Variants in ZC3H7B observed in about 807,000 individuals in gnomAD.
ZC3H7B encodes zinc finger CCCH-type containing 7B, also known as zinc finger CCCH domain-containing protein 7B.
In ZC3H7B, 35 loss-of-function variants were observed where a neutral mutation model predicts 116.0. The observed-to-expected ratio is 0.30, with a 90% CI of 0.23 to 0.40. ZC3H7B has a LOEUF of 0.40. ZC3H7B is among the 10% of genes least tolerant of loss of function. The pLI is 1.00. For synonymous variants in ZC3H7B, 502 were observed against 545.6 expected (o/e 0.92, Z 1.11); for missense variants, 1,011 against 1,321.5 (o/e 0.77, Z 3.64).
chr22:41,305,629 G>A (rs1029804847), intron 1 of ZC3H7B, among the ~76,000 whole-genome samples: 3 of 152,130 alleles, frequency 2.0e-5, no homozygotes, highest in Non-Finnish European at 4.4e-5. Flanking sequence ...CCAGGGCCCC[G>A]AGGGGCTGGA....
chr22:41,324,638 A>G (rs371543115), intron 2 of ZC3H7B, among the ~76,000 whole-genome samples: 2 of 152,142 alleles, frequency 1.3e-5, no homozygotes, highest in East Asian at 3.9e-4. Context: ...TAGCCACAGG[A>G]GGGAGCAGGT....
intron 1 of ZC3H7B, among the ~76,000 whole-genome samples, chr22:41,309,941 C>T (rs1265059343): frequency 1.3e-5 from 2 of 152,054 alleles, no homozygotes; most frequent in Non-Finnish European, 2.9e-5. Flanking sequence ...CACGGTGGCT[C>T]ATGCCTATAA....
chr22:41,358,317 C>G lies in ZC3H7B; in HGVS notation c.*888C>G, dbSNP rs565784975. 14 of 151,902 alleles carry G rather than the reference C, an allele frequency of 9.2e-5. No homozygotes were observed. The highest frequency in any genetic ancestry group is 4.6e-4 in the Admixed American group (7 of 15,276). 9.4% of individuals were successfully genotyped at this position (151,902 alleles called of 1,614,324 possible). A position where few individuals can be genotyped will look rare whatever the true frequency, so the allele number is the denominator to read the frequency against. ...GCAGCTGGGGTCCCAGGCAGCGCTG[C>G]CTGGGGGCTGGGGAGGGGAGGCCCA... On this transcript the variant is annotated 3_prime_UTR_variant, in exon 23 of 23. Transcript: ENST00000352645.
rs1257310067 is a variant in ZC3H7B at position 41,351,439 on chromosome 22, C to T, written c.1949-122C>T. On this transcript the variant is annotated intron_variant, in intron 16 of 22. Transcript: ENST00000352645. This position sits in a 1 kb window ranked among gnomAD's most constrained non-coding sequence, Gnocchi z 5.1. ...CCTTGTACCCCATGTCTTACTGTGG[C>T]TGGGCTGAGAATAGGGCTCCTCCAG... The T allele has an allele frequency of 7.7e-6, 6 of 780,216 alleles. No individual in the cohort carries two copies. Among genetic ancestry groups the T allele is most frequent in the Non-Finnish European group, 1.2e-5 (6 of 487,618 alleles). 48.3% of individuals were successfully genotyped at this position (780,216 alleles called of 1,614,324 possible).
Position 41,346,234 on chromosome 22 carries a change from C to A in ZC3H7B, c.1665+26C>A. 6.2e-7 allele frequency: 1 copy of A among 1,603,160 alleles called. No homozygotes were observed. Among genetic ancestry groups the A allele is most frequent in the African/African-American group, 1.3e-5 (1 of 74,962 alleles). On this transcript the variant is annotated intron_variant, in intron 14 of 22. Coordinates refer to ENST00000352645, the MANE Select transcript of ZC3H7B (RefSeq NM_017590.6). This position sits in a 1 kb window ranked among gnomAD's most constrained non-coding sequence, Gnocchi z 5.3. ...GTACTGCCCACCCACCCACTGCCAC[C>A]CCATAGGCCATGGCACAGACAGGGC...
Position 41,348,067 on chromosome 22 carries a change from A to T in ZC3H7B, c.1666A>T (p.Ile556Phe). 1.2e-6 allele frequency: 2 copies of T among 1,613,846 alleles called. No individual in the cohort carries two copies. The highest frequency in any genetic ancestry group is 1.7e-6 in the Non-Finnish European group (2 of 1,179,842). Residue 556 changes from isoleucine (I) to phenylalanine (F), a missense_variant and splice_region_variant, in exon 15 of 23, where the codon ATC (isoleucine) becomes TTC (phenylalanine). Around this residue, in one of 5 missense-constraint regions of ZC3H7B, gnomAD observed 406 missense variants for 590.2 expected, o/e 0.69. Coordinates refer to ENST00000352645, the MANE Select transcript of ZC3H7B (RefSeq NM_017590.6). ...HQGIFTFLCE[I>F]CFDSKPRIIS... is the part of the protein sequence containing the mutation. ...CCCAGCCCTTCCCCTCCCTGGGCAG[A>T]TCTGCTTTGACAGTAAACCCCGGAT... is the stretch of plus-strand genomic sequence containing the variant.
At chr22:41,332,382 C>T in intron 7 of ZC3H7B, 155 bp downstream of exon 7, 1 of 875,166 alleles carries the variant, frequency 1.1e-6, no homozygotes, top group Non-Finnish European at 1.8e-6. Flanking sequence ...GATGTGGGGA[C>T]AGGCCATGGC....
In ZC3H7B at chr22:41,349,073, A is replaced by C. The variant is rs775736155; in HGVS notation, c.1767-47A>C. On this transcript the variant is annotated intron_variant, in intron 15 of 22. Transcript: ENST00000352645. This position sits in a 1 kb window ranked among gnomAD's most constrained non-coding sequence, Gnocchi z 4.9. ...TGGCCCTACCAGGAGAGAAGGTCAG[A>C]GGGGCTGCGGACTGCATCGTGCCCC... 4 of 1,596,674 alleles carry C rather than the reference A, an allele frequency of 2.5e-6. No homozygotes were observed. Among genetic ancestry groups the C allele is most frequent in the Non-Finnish European group, 3.4e-6 (4 of 1,170,400 alleles).
intron 1 of ZC3H7B, among the ~76,000 whole-genome samples, chr22:41,320,045 A>T (rs1378192214): frequency 6.7e-6 from 1 of 149,090 alleles, no homozygotes; most frequent in African/African-American, 2.5e-5. Context: ...AAAAAAAAAA[A>T]TGGGGGGCCG....
chr22:41,345,342 T>C (rs144849293), intron 13 of ZC3H7B, among the ~76,000 whole-genome samples: 1,831 of 152,224 alleles, frequency 0.012, 37 homozygotes, highest in African/African-American at 0.042. Context: ...TCCCAGCACT[T>C]TGGGAGGCCG....
rs59984027 is a variant in ZC3H7B, at chr22:41,349,574, G to A, written c.1948+273G>A. Reference sequence around the variant, plus strand: ...GCACCGTCCAGGGAGCACGGAGAGGGGAGAGGAGCACCTGGGCTCCTGCAG... The same window carrying A: ...GCACCGTCCAGGGAGCACGGAGAGGAGAGAGGAGCACCTGGGCTCCTGCAG... On this transcript the variant is annotated intron_variant, in intron 16 of 22. Transcript: ENST00000352645. This position sits in a 1 kb window ranked among gnomAD's most constrained non-coding sequence, Gnocchi z 4.9. Among the ~76,000 whole-genome samples, 4,179 of 152,244 alleles carry A rather than the reference G, an allele frequency of 0.027. 165 individuals are homozygous for A. The highest frequency in any genetic ancestry group is 0.096 in the African/African-American group (3,970 of 41,506).
intron 6 of ZC3H7B, 79 bp downstream of exon 6, chr22:41,330,182 G>T: frequency 1.4e-6 from 2 of 1,460,430 alleles, no homozygotes; most frequent in Non-Finnish European, 1.9e-6. Context: ...CCGTGGGGAA[G>T]GTGGGTGAGG....
rs375805232 is a variant in ZC3H7B at position 41,339,828 on chromosome 22, G to C, written c.829G>C (p.Gly277Arg). The change falls in exon 10 of 23, where the codon GGT becomes CGT. Residue 277 changes from glycine (G) to arginine (R), a missense_variant. Physicochemically the swap from Gly to Arg is moderately radical, Grantham distance 125. Transcript: ENST00000352645. ...CCCTGCCTCATAGTCTCTGGTCCAGGGTGGCCTGTCTGGCAGCGGCGTGCC... is the reference window on the plus strand; with the variant it reads ...CCCTGCCTCATAGTCTCTGGTCCAGCGTGGCCTGTCTGGCAGCGGCGTGCC... ...TLLDSLSLVQ[G>R]GLSGSGVPSE... 1.0e-5 allele frequency: 16 copies of C among 1,601,514 alleles called. No homozygotes were observed. The East Asian group carries it at 1.1e-4, about 11-fold the overall frequency.
rs1391364674 is a variant in ZC3H7B at position 41,349,680 on chromosome 22, G to A, written c.1948+379G>A. ...GCCTCCAGTGCTCATCTGGGAAATG[G>A]GGAGCCCCATCTCTTCCTCACAGAG... On this transcript the variant is annotated intron_variant, in intron 16 of 22. Coordinates refer to ENST00000352645, the MANE Select transcript of ZC3H7B (RefSeq NM_017590.6). This position sits in a 1 kb window ranked among gnomAD's most constrained non-coding sequence, Gnocchi z 4.9. Among the ~76,000 whole-genome samples the A allele has an allele frequency of 6.6e-6, 1 of 152,168 alleles. No homozygotes were observed. The highest frequency in any genetic ancestry group is 1.9e-4 in the East Asian group (1 of 5,194).
rs181604509 is a variant in ZC3H7B, at chr22:41,355,254, A to T, written c.2035-215A>T. On this transcript the variant is annotated intron_variant, in intron 17 of 22. Transcript: ENST00000352645. ...TCCCAGGGAGTTGGGCGAGGCAGGG[A>T]CCAGCCACAGAGGGTGGAAAGAGGA... Among the ~76,000 whole-genome samples the T allele has an allele frequency of 5.9e-3, 895 of 152,288 alleles. 7 individuals are homozygous for T. Among genetic ancestry groups the T allele is most frequent in the African/African-American group, 0.02 (841 of 41,554 alleles).
chr22:41,345,105 A>G (rs1490042004), intron 13 of ZC3H7B, among the ~76,000 whole-genome samples: 4 of 152,018 alleles, frequency 2.6e-5, no homozygotes, highest in Non-Finnish European at 4.4e-5. Context: ...ATGAGCCACC[A>G]TGTCCAGCGC....
chr22:41,307,632 A>G (rs2036062040), intron 1 of ZC3H7B, among the ~76,000 whole-genome samples: 1 of 152,198 alleles, frequency 6.6e-6, no homozygotes, highest in Non-Finnish European at 1.5e-5. Flanking sequence ...TAACACCCAT[A>G]TAACAGCAGC....
chr22:41,356,135 G>A (rs2036713780), intron 20 of ZC3H7B, 73 bp downstream of exon 20: 14 of 1,463,632 alleles, frequency 9.6e-6, no homozygotes, highest in East Asian at 4.7e-5. Context: ...ATTCACCAGC[G>A]GGCCCAAGAG....
At position 41,343,420 on chromosome 22, in the gene ZC3H7B, C is replaced by T. The variant is rs746434599; in HGVS notation, c.1303C>T (p.Arg435Trp). 5.6e-6 allele frequency: 9 copies of T among 1,609,036 alleles called. No homozygotes were observed. The highest frequency in any genetic ancestry group is 2.2e-5 in the East Asian group (1 of 44,720). ...TGTGTCCACCCTGCCCATAGGCCCC[C>T]GGGCTGGCGACTACACCTACCGTGA... ...CQLCYPKTGP[R>W]AGDYTYREGL... is the part of the protein sequence containing the mutation. The change falls in exon 13 of 23, where the codon CGG becomes TGG. Residue 435 changes from arginine (R) to tryptophan (W), a missense_variant. Arg to Trp is a moderately radical substitution (Grantham distance 101, BLOSUM62 -3). Transcript: ENST00000352645.
Sources: allele counts gnomAD v4.1 joint callset (sites outside exome capture counted in the v4.1 genomes callset), GRCh38; gene constraint gnomAD v4.1.1; regional missense constraint gnomAD v4.1.1; non-coding constraint Gnocchi (gnomAD v3.1); transcripts MANE v1.5; gene names NCBI Gene and HGNC (gene_info 2026-07-23, HGNC 2026-07-21).